Variants in ATP13A4 observed in about 807,000 individuals in gnomAD.
ATP13A4 encodes ATPase 13A4, also known as probable cation-transporting ATPase 13A4.
In ATP13A4, 114 loss-of-function variants were observed where a neutral mutation model predicts 142.5. The ratio of observed to expected loss-of-function variants is 0.80; its 90% CI spans 0.69 to 0.93. The LOEUF is 0.93. Among genes scored for constraint, ATP13A4 ranks in the 40% least tolerant of loss-of-function variants. The pLI, the probability that ATP13A4 is intolerant of heterozygous loss-of-function variation, is 0.00. For missense variants in ATP13A4, 1,392 were observed against 1,454.0 expected (o/e 0.96, Z 0.69); for synonymous variants, 488 against 514.8 (o/e 0.95, Z 0.70).
Position 193,495,055 on chromosome 3 carries a change from G to A in ATP13A4, c.382-1895C>T, listed in dbSNP as rs550631360. ...TAAGCTACCAAGATTGAATCATGAAGAAATACAAAATGTGAACAGATGAAT... is the reference window on the plus strand; with the variant it reads ...TAAGCTACCAAGATTGAATCATGAAAAAATACAAAATGTGAACAGATGAAT... On this transcript the variant is annotated intron_variant, in intron 3 of 29. Coordinates refer to ENST00000342695, the MANE Select transcript of ATP13A4 (RefSeq NM_032279.4). 7.2e-5 allele frequency among the ~76,000 whole-genome samples: 11 copies of A among 152,124 alleles called. No homozygotes were observed. In the South Asian group the frequency reaches 2.3e-3, roughly 31 times the overall value.
intron 20 of ATP13A4, 126 bp from the exon 21 acceptor site, chr3:193,440,763 G>A (rs897521160): frequency 4.0e-6 from 4 of 1,006,184 alleles, no homozygotes; most frequent in Non-Finnish European, 6.0e-6. Flanking sequence ...AGTTTCCAAT[G>A]AGCCTTCCTT....
intron 23 of ATP13A4, among the ~76,000 whole-genome samples, chr3:193,437,760 A>T (rs976730658): frequency 6.6e-6 from 1 of 151,458 alleles, no homozygotes; most frequent in Non-Finnish European, 1.5e-5. Context: ...GCAGAAGTAC[A>T]TTTTCGGCAG....
intron 11 of ATP13A4, among the ~76,000 whole-genome samples, chr3:193,465,655 C>A (rs1389088898): frequency 6.6e-6 from 1 of 152,194 alleles, no homozygotes; most frequent in Non-Finnish European, 1.5e-5. Context: ...TCTGCCATGA[C>A]CTCACCAAAA....
intron 17 of ATP13A4, among the ~76,000 whole-genome samples, chr3:193,453,473 TA>T (rs1275101254): frequency 1.3e-5 from 2 of 151,930 alleles, no homozygotes; most frequent in Non-Finnish European, 2.9e-5. Context: ...AGAGTGGAAT[TA>T]AAAAAAATAA....
At chr3:193,455,986 A>G (rs908195300) in intron 16 of ATP13A4, among the ~76,000 whole-genome samples, 4 of 152,166 alleles carry the variant, frequency 2.6e-5, no homozygotes, top group African/African-American at 9.7e-5. Flanking sequence ...ACACATGGAC[A>G]TAGGGGGGAA....
chr3:193,462,902 C>T (rs938933261), intron 12 of ATP13A4, 79 bp from the exon 13 acceptor site: 30 of 1,435,322 alleles, frequency 2.1e-5, no homozygotes, highest in Middle Eastern at 1.9e-4. Context: ...CCCAGCACTA[C>T]GGGAGGCGGA....
Position 193,440,650 on chromosome 3 carries a change from C to A in ATP13A4, c.2440-13G>T. ...CATTGATCAATATCTGTAAGGAACC[C>A]AAAATGGAGATTTTTTTATCAAGTC... On this transcript the variant is annotated splice_polypyrimidine_tract_variant and intron_variant, in intron 20 of 29. Coordinates refer to ENST00000342695, the MANE Select transcript of ATP13A4 (RefSeq NM_032279.4). The A allele has an allele frequency of 6.2e-7, 1 of 1,613,160 alleles. No individual in the cohort carries two copies. The highest frequency in any genetic ancestry group is 1.1e-5 in the South Asian group (1 of 91,038).
chr3:193,584,387 T>C (rs1019209681), intron 1 of ATP13A4, among the ~76,000 whole-genome samples: 3 of 152,218 alleles, frequency 2.0e-5, no homozygotes, highest in Admixed American at 6.5e-5. Context: ...GATTCTTCCC[T>C]AGAGACCCAT....
chr3:193,517,077 A>G (rs906045598), intron 1 of ATP13A4, among the ~76,000 whole-genome samples: 12 of 152,248 alleles, frequency 7.9e-5, no homozygotes, highest in African/African-American at 2.9e-4. Flanking sequence ...CACAAAGCTC[A>G]TAACTAACTC....
At chr3:193,412,052 T>C (rs2108603387) in intron 27 of ATP13A4, 126 bp downstream of exon 27, 1 of 836,872 alleles carries the variant, frequency 1.2e-6, no homozygotes. Context: ...TTTTGCAGAG[T>C]CCTAGAGTGG....
chr3:193,563,015 C>T (rs913622436), intron 2 of ATP13A4, among the ~76,000 whole-genome samples: 8 of 152,118 alleles, frequency 5.3e-5, no homozygotes, highest in Non-Finnish European at 1.5e-5. Flanking sequence ...TCCCGTTACT[C>T]CATGATACGG....
At chr3:193,536,730 C>T (rs747746186) in intron 1 of ATP13A4, among the ~76,000 whole-genome samples, 1 of 151,900 alleles carries the variant, frequency 6.6e-6, no homozygotes, top group African/African-American at 2.4e-5. Flanking sequence ...CAAAAATCTA[C>T]CAAAAACTAC....
At chr3:193,502,742 C>T (rs537753451) in intron 2 of ATP13A4, 103 bp from the exon 3 acceptor site, 18 of 1,248,030 alleles carry the variant, frequency 1.4e-5, no homozygotes, top group African/African-American at 1.0e-4. Context: ...AAGTGTTTGG[C>T]GTTAGTGAAT....
At position 193,494,527 on chromosome 3, in the gene ATP13A4, C is replaced by A. The variant is rs181022904; in HGVS notation, c.382-1367G>T. Among the ~76,000 whole-genome samples, 14 of 151,996 alleles carry A rather than the reference C, an allele frequency of 9.2e-5. No homozygotes were observed. The East Asian group carries it at 1.9e-3, about 21-fold the overall frequency. On this transcript the variant is annotated intron_variant, in intron 3 of 29. Coordinates refer to ENST00000342695, the MANE Select transcript of ATP13A4 (RefSeq NM_032279.4). ...ATTAAACAACATGCTCCTGAACAAC[C>A]AATTGGTCAACAAAGAAATTAAAAG...
intron 1 of ATP13A4, among the ~76,000 whole-genome samples, chr3:193,533,716 C>T (rs758599558): frequency 6.6e-6 from 1 of 152,216 alleles, no homozygotes; most frequent in African/African-American, 2.4e-5. Context: ...CTGGTCCCAC[C>T]TAACCAGCAA....
intron 23 of ATP13A4, among the ~76,000 whole-genome samples, chr3:193,437,052 C>T (rs1231561078): frequency 6.9e-6 from 1 of 145,496 alleles, no homozygotes; most frequent in East Asian, 2.0e-4. Flanking sequence ...TGCAGTGAGC[C>T]GAGATCCCGC....
At chr3:193,480,084 C>T (rs1719201103) in intron 8 of ATP13A4, among the ~76,000 whole-genome samples, 1 of 152,080 alleles carries the variant, frequency 6.6e-6, no homozygotes, top group Admixed American at 6.5e-5. Flanking sequence ...AAACTGAATC[C>T]TCTTCTCTCA....
chr3:193,480,957 AAATAAT>A (rs1719256904), intron 8 of ATP13A4, among the ~76,000 whole-genome samples: 1 of 152,348 alleles, frequency 6.6e-6, no homozygotes, highest in East Asian at 1.9e-4. Context: ...ATAAAAAATG[AAATAAT>A]GGCATTTGCA....
At chr3:193,433,758 G>A (rs1716103436) in intron 25 of ATP13A4, 87 bp downstream of exon 25, 2 of 926,602 alleles carry the variant, frequency 2.2e-6, no homozygotes, top group Admixed American at 1.7e-5. Flanking sequence ...TGCAGCTGCT[G>A]TTCCTCATGG....
Sources: gnomAD v4.1 joint callset for allele counts (sites outside exome capture counted in the v4.1 genomes callset) on GRCh38, gnomAD v4.1.1 for gene constraint, MANE v1.5 for transcripts, NCBI Gene and HGNC (gene_info 2026-07-23, HGNC 2026-07-21) for gene names.